Variants in RBFOX1 observed in about 807,000 individuals in gnomAD.
The protein encoded by RBFOX1 is RNA binding fox-1 homolog 1.
In RBFOX1, 8 loss-of-function variants were observed where a neutral mutation model predicts 57.7. The ratio of observed to expected loss-of-function variants is 0.14; its 90% CI spans 0.08 to 0.25. The LOEUF (loss-of-function observed/expected upper bound fraction) is 0.25, where lower values mean the gene tolerates loss of function less well. Among genes scored for constraint, RBFOX1 ranks in the 10% least tolerant of loss-of-function variants. The probability of loss-of-function intolerance (pLI) is 1.00; values close to 1 mark genes in which losing one functional copy is unlikely to be tolerated. For missense variants in RBFOX1, 611 were observed against 548.5 expected (o/e 1.11, Z -1.14); for synonymous variants, 326 against 222.4 (o/e 1.47, Z -4.15).
intron 1 of RBFOX1, among the ~76,000 whole-genome samples, chr16:6,232,151 C>T (rs747758778): frequency 2.6e-5 from 4 of 152,142 alleles, no homozygotes; most frequent in African/African-American, 4.8e-5. Flanking sequence ...GCTCATTTTG[C>T]AAGGGCAGCA....
intron 1 of RBFOX1, chr16:6,037,627 C>G (rs1409092447): frequency 6.6e-6 from 1 of 150,932 alleles, no homozygotes; most frequent in Non-Finnish European, 1.5e-5. Context: ...CGGAATCTCG[C>G]TCTGTCGCCC....
At chr16:5,393,682 G>GC (rs1205866960) in intron 1 of RBFOX1, among the ~76,000 whole-genome samples, 5 of 151,748 alleles carry the variant, frequency 3.3e-5, no homozygotes, top group Non-Finnish European at 7.4e-5. Flanking sequence ...CTGTGTTTTT[G>GC]TTTTTTTAAA....
intron 4 of RBFOX1, among the ~76,000 whole-genome samples, chr16:5,931,906 C>T (rs962435267): frequency 1.3e-5 from 2 of 152,242 alleles, no homozygotes; most frequent in East Asian, 1.9e-4. Context: ...CTCCTGGGCT[C>T]GAGCATTCCA....
intron 4 of RBFOX1, among the ~76,000 whole-genome samples, chr16:5,966,003 G>GTTTC (rs1203143844): frequency 6.6e-6 from 1 of 152,132 alleles, no homozygotes; most frequent in African/African-American, 2.4e-5. Flanking sequence ...GCCCCCAACA[G>GTTTC]TTTCCTCTTC....
intron 4 of RBFOX1, among the ~76,000 whole-genome samples, chr16:7,097,761 T>C (rs1001778366): frequency 5.9e-5 from 9 of 152,142 alleles, no homozygotes; most frequent in Non-Finnish European, 8.8e-5. Context: ...TGCATATTTA[T>C]CCAGAGATTC....
chr16:5,353,539 G>T (rs1171081677), intron 1 of RBFOX1, among the ~76,000 whole-genome samples: 3 of 152,136 alleles, frequency 2.0e-5, no homozygotes, highest in African/African-American at 7.2e-5. Flanking sequence ...TTATGTGAAT[G>T]TCACAGCCTA....
intron 14 of RBFOX1, among the ~76,000 whole-genome samples, chr16:7,706,647 T>A (rs2082542325): frequency 6.6e-6 from 1 of 152,226 alleles, no homozygotes; most frequent in South Asian, 2.1e-4. Flanking sequence ...ATAACATCAC[T>A]TAACAAACTC....
intron 4 of RBFOX1, among the ~76,000 whole-genome samples, chr16:7,395,051 T>A (rs2098118805): frequency 6.6e-6 from 1 of 152,208 alleles, no homozygotes; most frequent in African/African-American, 2.4e-5. Context: ...TGCCGCAGAC[T>A]AGGGGGATAA....
rs562592109 is a variant in RBFOX1, at chr16:5,670,977, G to A, written c.318+72016G>A. 5.8e-4 allele frequency among the ~76,000 whole-genome samples: 89 copies of A among 152,312 alleles called. 3 individuals are homozygous for A. In the South Asian group the frequency reaches 0.016, roughly 27 times the overall value. On this transcript the variant is annotated intron_variant, in intron 3 of 19. Transcript: ENST00000641259. Reference sequence around the variant, plus strand: ...AATGGCCCAGCTGGCAGGTGGCAGGGACAGAATTCAGACTCAGAGCCCCCC... The same window carrying A: ...AATGGCCCAGCTGGCAGGTGGCAGGAACAGAATTCAGACTCAGAGCCCCCC...
intron 1 of RBFOX1, among the ~76,000 whole-genome samples, chr16:5,444,760 G>T (rs1184448801): frequency 6.6e-6 from 1 of 152,202 alleles, no homozygotes; most frequent in Non-Finnish European, 1.5e-5. Context: ...GCCAGGCACT[G>T]TATTCACCTC....
At chr16:7,697,826 T>C (rs940931548) in intron 14 of RBFOX1, among the ~76,000 whole-genome samples, 4 of 152,246 alleles carry the variant, frequency 2.6e-5, no homozygotes, top group African/African-American at 9.6e-5. Flanking sequence ...GTATTTTGAG[T>C]CGGATGACAA....
intron 5 of RBFOX1, among the ~76,000 whole-genome samples, chr16:7,578,154 C>G (rs2093478085): frequency 1.3e-5 from 2 of 152,336 alleles, no homozygotes; most frequent in South Asian, 4.1e-4. Context: ...CATTTCGTCA[C>G]TTTCCATTTA....
At chr16:5,458,521 G>A (rs757569997) in intron 1 of RBFOX1, among the ~76,000 whole-genome samples, 3 of 152,328 alleles carry the variant, frequency 2.0e-5, no homozygotes, top group Non-Finnish European at 4.4e-5. Context: ...AAATGAATCA[G>A]GTACAGTTAT....
Position 6,325,039 on chromosome 16 carries a change from A to T in RBFOX1, c.-64+7982A>T, listed in dbSNP as rs114868149. On this transcript the variant is annotated intron_variant, in intron 2 of 15. Coordinates refer to ENST00000550418, the MANE Select transcript of RBFOX1 (RefSeq NM_018723.4). ...CTAATATTAATATAATTTGATCTAC[A>T]TTCATGGGTTGTAGTAACGAATTAC... Among the ~76,000 whole-genome samples the T allele has an allele frequency of 1.6e-3, 249 of 152,272 alleles. 3 individuals carry two copies. Among genetic ancestry groups the T allele is most frequent in the African/African-American group, 5.7e-3 (236 of 41,570 alleles).
At chr16:5,638,609 T>C (rs997624389) in intron 3 of RBFOX1, among the ~76,000 whole-genome samples, 89 of 152,272 alleles carry the variant, frequency 5.8e-4, no homozygotes, top group African/African-American at 1.9e-3. Context: ...CTCTACCTTC[T>C]TTATTTACAT....
chr16:7,447,648 T>A (rs1296319112), intron 4 of RBFOX1, among the ~76,000 whole-genome samples: 1 of 152,212 alleles, frequency 6.6e-6, no homozygotes, highest in East Asian at 1.9e-4. Flanking sequence ...CCCAAACTTT[T>A]CCTTGCATCT....
At chr16:7,422,309 C>T (rs1156335315) in intron 4 of RBFOX1, among the ~76,000 whole-genome samples, 4 of 152,126 alleles carry the variant, frequency 2.6e-5, no homozygotes, top group Non-Finnish European at 5.9e-5. Context: ...CCATGCCACC[C>T]ACACAGGAGA....
intron 3 of RBFOX1, among the ~76,000 whole-genome samples, chr16:5,697,883 A>T (rs1324600575): frequency 1.3e-5 from 2 of 152,184 alleles, no homozygotes; most frequent in African/African-American, 4.8e-5. Flanking sequence ...AGTCTTTGGT[A>T]GATAACCATA....
intron 2 of RBFOX1, among the ~76,000 whole-genome samples, chr16:6,584,820 G>T (rs998500113): frequency 4.6e-5 from 7 of 152,160 alleles, no homozygotes; most frequent in African/African-American, 1.4e-4. Flanking sequence ...AGATGGTTTT[G>T]CCAGCAGCCT....
Sources: gnomAD v4.1 joint callset for allele counts (sites outside exome capture counted in the v4.1 genomes callset) on GRCh38, gnomAD v4.1.1 for gene constraint, MANE v1.5 for transcripts, NCBI Gene and HGNC (gene_info 2026-07-23, HGNC 2026-07-21) for gene names.